The following CAMTA1 variants were observed in gnomAD, a reference collection of about 807,000 sequenced individuals.
The protein encoded by CAMTA1 is calmodulin binding transcription activator 1.
Under a neutral mutation model 170.9 loss-of-function variants are expected in CAMTA1, and 27 were observed. The ratio of observed to expected loss-of-function variants is 0.16; its 90% CI spans 0.12 to 0.22. The LOEUF is 0.22. Among genes scored for constraint, CAMTA1 ranks in the 10% least tolerant of loss-of-function variants. The pLI is 1.00. For missense variants in CAMTA1, 1,619 were observed against 2,217.2 expected (o/e 0.73, Z 5.42); for synonymous variants, 833 against 891.5 (o/e 0.93, Z 1.17).
At chr1:7,154,271 C>G (rs1390713424) in intron 4 of CAMTA1, among the ~76,000 whole-genome samples, 2 of 152,054 alleles carry the variant, frequency 1.3e-5, no homozygotes, top group East Asian at 3.9e-4. Context: ...CCGAGACTCC[C>G]GTCTGTAGGT....
At chr1:6,814,782 A>G (rs932205698) in intron 1 of CAMTA1, among the ~76,000 whole-genome samples, 9 of 152,218 alleles carry the variant, frequency 5.9e-5, no homozygotes, top group African/African-American at 1.4e-4. Flanking sequence ...GGAGACCTAA[A>G]TATTCTTTGT....
chr1:6,829,242 T>A (rs1648671373), intron 3 of CAMTA1, among the ~76,000 whole-genome samples: 1 of 152,180 alleles, frequency 6.6e-6, no homozygotes, highest in South Asian at 2.1e-4. Flanking sequence ...AATATAGTCT[T>A]AATATTGTGG....
Position 7,150,365 on chromosome 1 carries a change from C to T in CAMTA1, c.302+58994C>T, listed in dbSNP as rs1284654214. 2.5e-4 allele frequency among the ~76,000 whole-genome samples: 38 copies of T among 152,184 alleles called. 1 individual carries two copies. Among genetic ancestry groups the T allele is most frequent in the Admixed American group, 2.5e-3 (38 of 15,280 alleles). ...AGGAAGTCAGAAAGCCACAGGGCAT[C>T]CTCAGACGAAACCCCTGCTTCCTCC... On this transcript the variant is annotated intron_variant, in intron 4 of 22. Transcript: ENST00000303635.
Position 7,736,586 on chromosome 1 carries a change from C to A in CAMTA1, c.3263+46C>A. 1.3e-6 allele frequency: 2 copies of A among 1,565,476 alleles called. No homozygotes were observed. The highest frequency in any genetic ancestry group is 1.8e-6 in the Non-Finnish European group (2 of 1,137,368). On this transcript the variant is annotated intron_variant, in intron 13 of 22. Coordinates refer to ENST00000303635, the MANE Select transcript of CAMTA1 (RefSeq NM_015215.4). This position sits in a 1 kb window ranked among gnomAD's most constrained non-coding sequence, Gnocchi z 4.5. ...GCTGGGGGTCAGCCTCGCACATCCT[C>A]GCTCACATTCTTCCTGAGCACTGCC... is the stretch of plus-strand genomic sequence containing the variant.
intron 11 of CAMTA1, among the ~76,000 whole-genome samples, chr1:7,702,965 C>T (rs1003066498): frequency 6.6e-6 from 1 of 152,140 alleles, no homozygotes; most frequent in African/African-American, 2.4e-5. Flanking sequence ...TTAACTCCCG[C>T]ACCATAGATA....
intron 3 of CAMTA1, among the ~76,000 whole-genome samples, chr1:6,941,917 G>A (rs540054715): frequency 6.6e-6 from 1 of 152,224 alleles, no homozygotes; most frequent in Non-Finnish European, 1.5e-5. Flanking sequence ...GGTAAATGCA[G>A]CCACTGAAGA....
intron 3 of CAMTA1, among the ~76,000 whole-genome samples, chr1:7,072,380 C>T (rs1312397086): frequency 6.6e-6 from 1 of 152,196 alleles, no homozygotes; most frequent in Admixed American, 6.5e-5. Flanking sequence ...AACCTGGCAC[C>T]AGCATTTATT....
chr1:7,026,006 G>A (rs1017935067), intron 3 of CAMTA1, among the ~76,000 whole-genome samples: 5 of 152,100 alleles, frequency 3.3e-5, no homozygotes, highest in African/African-American at 1.2e-4. Context: ...TGTGGTCCCA[G>A]GTACTTGGGA....
Position 7,323,938 on chromosome 1 carries a change from T to A in CAMTA1, c.438+74312T>A, listed in dbSNP as rs369459872. 5.9e-5 allele frequency among the ~76,000 whole-genome samples: 9 copies of A among 152,344 alleles called. 1 individual carries two copies. In the South Asian group the frequency reaches 1.9e-3, roughly 32 times the overall value. ...ATGAGACTTGATTTATGGTCCAAAA[T>A]GTGTTCCATGTATGCTTGAAAAGGA... On this transcript the variant is annotated intron_variant, in intron 5 of 22. Transcript: ENST00000303635.
intron 3 of CAMTA1, among the ~76,000 whole-genome samples, chr1:7,075,987 A>T (rs1639251655): frequency 6.6e-6 from 1 of 152,128 alleles, no homozygotes. Flanking sequence ...TTAGACCCTA[A>T]CTTAGGTGCC....
chr1:7,605,671 G>A (rs2095480517), intron 6 of CAMTA1, among the ~76,000 whole-genome samples: 1 of 152,184 alleles, frequency 6.6e-6, no homozygotes, highest in Non-Finnish European at 1.5e-5. Context: ...GCTCATGCTT[G>A]GTGTGCTGCG....
In CAMTA1 at chr1:7,615,393, C is replaced by T. The variant is rs566036948; in HGVS notation, c.511-25007C>T. Among the ~76,000 whole-genome samples the T allele has an allele frequency of 8.5e-5, 13 of 152,320 alleles. No homozygotes were observed. In the South Asian group the frequency reaches 2.1e-3, roughly 24 times the overall value. On this transcript the variant is annotated intron_variant, in intron 6 of 22. Coordinates refer to ENST00000303635, the MANE Select transcript of CAMTA1 (RefSeq NM_015215.4). ...ATATATGGCATAGTGACAGGCAGCT[C>T]GGGCTTTGGAGCAGGCTGCTTGAGT...
At chr1:7,268,006 A>G (rs566159090) in intron 5 of CAMTA1, among the ~76,000 whole-genome samples, 3 of 152,172 alleles carry the variant, frequency 2.0e-5, no homozygotes, top group Non-Finnish European at 4.4e-5. Flanking sequence ...ACCCAAACCA[A>G]CTAGAACACT....
chr1:7,099,648 G>C (rs1464271107), intron 4 of CAMTA1, among the ~76,000 whole-genome samples: 1 of 152,200 alleles, frequency 6.6e-6, no homozygotes, highest in Non-Finnish European at 1.5e-5. Context: ...ACCTGGGGGA[G>C]GGGCTGGTTA....
rs372539476 is a variant in CAMTA1 at position 6,963,997 on chromosome 1, G to T, written c.235-127307G>T. Among the ~76,000 whole-genome samples the T allele has an allele frequency of 1.1e-4, 17 of 152,278 alleles. 1 individual carries two copies. The highest frequency in any genetic ancestry group is 2.9e-4 in the African/African-American group (12 of 41,564). On this transcript the variant is annotated intron_variant, in intron 3 of 22. Transcript: ENST00000303635. Reference sequence around the variant, plus strand: ...CAGCGTCCTGGGTGCCCAGATAGGGGTGCAGAATCCTGGGTGCCTGGTTAG... The same window carrying T: ...CAGCGTCCTGGGTGCCCAGATAGGGTTGCAGAATCCTGGGTGCCTGGTTAG...
At chr1:6,853,623 C>T (rs1661220176) in intron 3 of CAMTA1, among the ~76,000 whole-genome samples, 1 of 152,014 alleles carries the variant, frequency 6.6e-6, no homozygotes, top group Admixed American at 6.6e-5. Flanking sequence ...ACCAAAATTT[C>T]TAATTAAAAA....
chr1:6,785,673 G>A, intron 1 of CAMTA1, 98 bp downstream of exon 1: 2 of 355,410 alleles, frequency 5.6e-6, no homozygotes, highest in Non-Finnish European at 7.7e-6. Context: ...GGGCGGGAGC[G>A]CGGGGGCGCG....
chr1:7,349,525 C>T (rs138711018), intron 5 of CAMTA1, among the ~76,000 whole-genome samples: 22 of 152,346 alleles, frequency 1.4e-4, no homozygotes, highest in Admixed American at 1.0e-3. Context: ...GCACACGGGG[C>T]GACGTACGCA....
At chr1:7,452,486 C>A (rs12744650) in intron 5 of CAMTA1, among the ~76,000 whole-genome samples, 19,007 of 152,286 alleles carry the variant, frequency 0.12, 1,333 homozygotes, top group Middle Eastern at 0.19. Flanking sequence ...ACTTTCATCA[C>A]CCCAAAGGGA....
Sources: allele counts gnomAD v4.1 joint callset (sites outside exome capture counted in the v4.1 genomes callset), GRCh38; gene constraint gnomAD v4.1.1; non-coding constraint Gnocchi (gnomAD v3.1); transcripts MANE v1.5; gene names NCBI Gene and HGNC (gene_info 2026-07-23, HGNC 2026-07-21).